RBFOX1: variants seen among roughly 807,000 people sequenced by gnomAD.
RBFOX1 encodes RNA binding protein fox-1 homolog 1.
In RBFOX1, 8 loss-of-function variants were observed where a neutral mutation model predicts 57.7. The ratio of observed to expected loss-of-function variants is 0.14; its 90% CI spans 0.08 to 0.25. The LOEUF is 0.25. Ranked by LOEUF, RBFOX1 falls within the 10% of genes least tolerant of loss-of-function variation. The probability of loss-of-function intolerance (pLI) is 1.00; values close to 1 mark genes in which losing one functional copy is unlikely to be tolerated. For missense variants in RBFOX1, 611 were observed against 548.5 expected (o/e 1.11, Z -1.14); for synonymous variants, 326 against 222.4 (o/e 1.47, Z -4.15).
chr16:6,053,124 G>A (rs972898621), intron 1 of RBFOX1, among the ~76,000 whole-genome samples: 1 of 152,082 alleles, frequency 6.6e-6, no homozygotes, highest in African/African-American at 2.4e-5. Context: ...GGGGCTGAGC[G>A]GTACCTTACA....
chr16:6,076,782 G>C (rs1337062957), intron 1 of RBFOX1, among the ~76,000 whole-genome samples: 1 of 152,098 alleles, frequency 6.6e-6, no homozygotes, highest in Non-Finnish European at 1.5e-5. Context: ...GGACAGATGG[G>C]GTCATTCATC....
chr16:6,871,765 A>G (rs557517527), intron 3 of RBFOX1, among the ~76,000 whole-genome samples: 2 of 151,768 alleles, frequency 1.3e-5, no homozygotes, highest in Admixed American at 6.6e-5. Flanking sequence ...TGAAATTTCT[A>G]CTCTACCTTC....
At position 6,088,199 on chromosome 16, in the gene RBFOX1, AT is replaced by A. The variant is rs564732424; in HGVS notation, c.-127+68217del. On this transcript the variant is annotated intron_variant, in intron 1 of 15. Transcript: ENST00000550418. ...CCCTCTTAGTTACTTTTTTTCTTTC[AT>A]TTTTTTTTTCTCAGCTGTATTGCCT... Among the ~76,000 whole-genome samples the A allele has an allele frequency of 7.9e-3, 1,157 of 145,738 alleles. 5 individuals carry two copies. The highest frequency in any genetic ancestry group is 0.012 in the Non-Finnish European group (778 of 66,076).
chr16:6,661,388 G>T (rs2098700607), intron 3 of RBFOX1, among the ~76,000 whole-genome samples: 1 of 152,206 alleles, frequency 6.6e-6, no homozygotes, highest in Non-Finnish European at 1.5e-5. Context: ...GCGAATGCAA[G>T]TCCAGTGTGT....
At chr16:6,994,607 A>G (rs971669846) in intron 3 of RBFOX1, among the ~76,000 whole-genome samples, 4 of 152,204 alleles carry the variant, frequency 2.6e-5, no homozygotes, top group African/African-American at 9.6e-5. Flanking sequence ...GATGCTGTGT[A>G]TCTGCTAGTG....
chr16:6,813,774 G>A (rs1375125827), intron 3 of RBFOX1, among the ~76,000 whole-genome samples: 1 of 152,188 alleles, frequency 6.6e-6, no homozygotes, highest in Non-Finnish European at 1.5e-5. Context: ...ATGGCAGCAG[G>A]CACCTGCAGA....
chr16:5,855,973 A>ATTTTT (rs1345697876), intron 3 of RBFOX1, among the ~76,000 whole-genome samples: 3 of 81,184 alleles, frequency 3.7e-5, no homozygotes, highest in African/African-American at 4.6e-5. Flanking sequence ...TATGTATGTT[A>ATTTTT]TTCTTTTTTT....
At chr16:6,322,297 A>C (rs552906235) in intron 2 of RBFOX1, among the ~76,000 whole-genome samples, 6 of 152,200 alleles carry the variant, frequency 3.9e-5, no homozygotes, top group Admixed American at 1.3e-4. Flanking sequence ...TTGGTTGTTG[A>C]ATAAGCTCAT....
chr16:5,701,812 C>T (rs563992234), intron 3 of RBFOX1, among the ~76,000 whole-genome samples: 4 of 152,276 alleles, frequency 2.6e-5, no homozygotes, highest in Admixed American at 6.5e-5. Flanking sequence ...GTCATCTGGA[C>T]GTTCATCAGG....
chr16:6,603,061 C>T (rs915917298), intron 2 of RBFOX1, among the ~76,000 whole-genome samples: 3 of 152,208 alleles, frequency 2.0e-5, no homozygotes, highest in African/African-American at 7.2e-5. Flanking sequence ...GTCTACTCTT[C>T]ATCCTAGTAG....
chr16:6,118,015 A>C (rs1426124769), intron 1 of RBFOX1, among the ~76,000 whole-genome samples: 2 of 152,220 alleles, frequency 1.3e-5, no homozygotes, highest in Non-Finnish European at 2.9e-5. Context: ...ATAATTTAAA[A>C]ATTTTTTGAG....
chr16:7,007,543 G>T (rs531738790), intron 3 of RBFOX1, among the ~76,000 whole-genome samples: 2 of 152,188 alleles, frequency 1.3e-5, no homozygotes, highest in African/African-American at 4.8e-5. Context: ...TCTTGGGGAA[G>T]TGGGGCATAA....
At chr16:7,509,227 G>A (rs2074293417) in intron 4 of RBFOX1, among the ~76,000 whole-genome samples, 1 of 152,190 alleles carries the variant, frequency 6.6e-6, no homozygotes, top group Non-Finnish European at 1.5e-5. Flanking sequence ...GTCACCCCTG[G>A]AATATTGCGG....
intron 2 of RBFOX1, among the ~76,000 whole-genome samples, chr16:6,337,428 A>C (rs1037290326): frequency 6.6e-6 from 1 of 152,234 alleles, no homozygotes; most frequent in Non-Finnish European, 1.5e-5. Context: ...AACAAACCTC[A>C]GATATTTGCA....
At chr16:5,605,303 A>C (rs895662408) in intron 3 of RBFOX1, among the ~76,000 whole-genome samples, 1 of 152,142 alleles carries the variant, frequency 6.6e-6, no homozygotes. Context: ...TTCTGCTCTC[A>C]CGTCCCTGAT....
chr16:6,855,038 G>A (rs78801569), intron 3 of RBFOX1, among the ~76,000 whole-genome samples: 3,621 of 152,046 alleles, frequency 0.024, 154 homozygotes, highest in East Asian at 0.17. Context: ...ACTGTTGGGA[G>A]GTGGGTGGGA....
chr16:6,430,120 A>G (rs1187300240), intron 2 of RBFOX1, among the ~76,000 whole-genome samples: 1 of 151,574 alleles, frequency 6.6e-6, no homozygotes, highest in Non-Finnish European at 1.5e-5. Context: ...AGAAGAAAAA[A>G]AAAAAACAGA....
chr16:6,928,125 A>G (rs1395518382), intron 3 of RBFOX1, among the ~76,000 whole-genome samples: 1 of 152,076 alleles, frequency 6.6e-6, no homozygotes, highest in Non-Finnish European at 1.5e-5. Flanking sequence ...CAGATGGCAC[A>G]ATTCTTAGTG....
chr16:7,175,322 T>C (rs1349382286), intron 4 of RBFOX1, among the ~76,000 whole-genome samples: 1 of 152,190 alleles, frequency 6.6e-6, no homozygotes, highest in Non-Finnish European at 1.5e-5. Flanking sequence ...GAAATAACCT[T>C]CTTCGCCTGT....
Sources: gnomAD v4.1 joint callset for allele counts (sites outside exome capture counted in the v4.1 genomes callset) on GRCh38, gnomAD v4.1.1 for gene constraint, MANE v1.5 for transcripts, NCBI Gene and HGNC (gene_info 2026-07-23, HGNC 2026-07-21) for gene names.